The following FOXP1 variants were observed in gnomAD, a reference collection of about 807,000 sequenced individuals.
FOXP1 encodes the protein forkhead box P1.
In FOXP1, 15 loss-of-function variants were observed where a neutral mutation model predicts 98.2. The ratio of observed to expected loss-of-function variants is 0.15; its 90% CI spans 0.10 to 0.24. The LOEUF (loss-of-function observed/expected upper bound fraction) is 0.24. FOXP1 is among the 10% of genes least tolerant of loss of function. The probability of loss-of-function intolerance (pLI) is 1.00; values close to 1 mark genes in which losing one functional copy is unlikely to be tolerated. For synonymous variants in FOXP1, 371 were observed against 314.5 expected, an observed-to-expected ratio of 1.18 and a Z score of -1.90; for missense variants, 633 against 848.5, an observed-to-expected ratio of 0.75 and a Z score of 3.15.
At chr3:71,436,880 T>G (rs2085414375) in intron 3 of FOXP1, among the ~76,000 whole-genome samples, 1 of 152,156 alleles carries the variant, frequency 6.6e-6, no homozygotes, top group Non-Finnish European at 1.5e-5. Flanking sequence ...GGAAACAAAA[T>G]GTAAGCCCCA....
At chr3:71,104,670 G>A (rs918841141) in intron 7 of FOXP1, among the ~76,000 whole-genome samples, 2 of 152,106 alleles carry the variant, frequency 1.3e-5, no homozygotes, top group Admixed American at 1.3e-4. Context: ...TTTTCAATAG[G>A]GATGGAAGGA....
intron 7 of FOXP1, among the ~76,000 whole-genome samples, chr3:71,067,465 A>C (rs921773147): frequency 6.6e-6 from 1 of 152,210 alleles, no homozygotes; most frequent in Non-Finnish European, 1.5e-5. Flanking sequence ...AAAGCTGAAT[A>C]AGAAAGGCCA....
intron 3 of FOXP1, among the ~76,000 whole-genome samples, chr3:71,444,504 A>G (rs940197260): frequency 2.0e-5 from 3 of 152,136 alleles, no homozygotes; most frequent in Admixed American, 2.0e-4. Context: ...ACTTCCGTCA[A>G]CTGTCAGGGC....
chr3:71,540,739 T>C (rs1214164566), intron 2 of FOXP1, among the ~76,000 whole-genome samples: 2 of 152,226 alleles, frequency 1.3e-5, no homozygotes, highest in Non-Finnish European at 2.9e-5. Context: ...CCAGGTCTCC[T>C]GACTCCAAAT....
intron 5 of FOXP1, among the ~76,000 whole-genome samples, chr3:71,298,096 G>A (rs1576837758): frequency 1.3e-5 from 2 of 152,154 alleles, no homozygotes; most frequent in South Asian, 4.1e-4. Context: ...CCCACAAGTA[G>A]AAAATATTTA....
intron 6 of FOXP1, among the ~76,000 whole-genome samples, chr3:71,179,091 T>C (rs1449362192): frequency 6.6e-6 from 1 of 150,650 alleles, no homozygotes; most frequent in Non-Finnish European, 1.5e-5. Context: ...GAAACTAGGA[T>C]GGCCTACCTA....
At chr3:70,991,709 G>C (rs2040627126) in intron 13 of FOXP1, among the ~76,000 whole-genome samples, 1 of 152,138 alleles carries the variant, frequency 6.6e-6, no homozygotes, top group African/African-American at 2.4e-5. Context: ...ATTTAACAGA[G>C]GTAAAGGCTA....
At chr3:71,308,045 G>T (rs772009626) in intron 4 of FOXP1, among the ~76,000 whole-genome samples, 3 of 152,018 alleles carry the variant, frequency 2.0e-5, no homozygotes, top group African/African-American at 7.3e-5. Flanking sequence ...ACAAAAATCC[G>T]TATGCAAGCT....
intron 3 of FOXP1, among the ~76,000 whole-genome samples, chr3:71,457,432 T>C (rs1194648335): frequency 6.6e-6 from 1 of 152,182 alleles, no homozygotes; most frequent in Non-Finnish European, 1.5e-5. Flanking sequence ...GCCAGGTACA[T>C]ACCTAAAATA....
chr3:71,319,884 T>G (rs1164088876), intron 4 of FOXP1, among the ~76,000 whole-genome samples: 1 of 152,148 alleles, frequency 6.6e-6, no homozygotes, highest in African/African-American at 2.4e-5. Context: ...ACCACACGCC[T>G]AGCCAATGGG....
At chr3:71,346,817 G>A (rs542175869) in intron 4 of FOXP1, among the ~76,000 whole-genome samples, 13 of 152,158 alleles carry the variant, frequency 8.5e-5, no homozygotes, top group African/African-American at 2.9e-4. Context: ...AGGCCGAGGC[G>A]GGTGGATCAT....
In FOXP1 at chr3:71,385,292, TA is replaced by T. The variant is rs1194359328; in HGVS notation, c.-167-26049del. Among the ~76,000 whole-genome samples, 4 of 152,218 alleles carry T rather than the reference TA, an allele frequency of 2.6e-5. No homozygotes were observed. The East Asian group carries it at 7.7e-4, about 29-fold the overall frequency. On this transcript the variant is annotated intron_variant, in intron 3 of 20. Coordinates refer to ENST00000649528, the MANE Select transcript of FOXP1 (RefSeq NM_001349338.3). ...AGAATGGTAATCTTGCTGAATTCTT[TA>T]AAACTGTATTATAAATCACCTAACA...
intron 3 of FOXP1, among the ~76,000 whole-genome samples, chr3:71,406,405 G>GTATGTATATATATA (rs2082336447): frequency 3.8e-5 from 4 of 105,942 alleles, no homozygotes; most frequent in Admixed American, 1.9e-4. Flanking sequence ...AACTGTATGT[G>GTATGTATATATATA]TATATATATA....
intron 5 of FOXP1, among the ~76,000 whole-genome samples, chr3:71,209,199 T>C (rs2064276889): frequency 6.6e-6 from 1 of 152,222 alleles, no homozygotes; most frequent in South Asian, 2.1e-4. Context: ...ATTTCCTGGC[T>C]TGCAGATAAA....
chr3:71,281,686 C>G (rs1285649745), intron 5 of FOXP1, among the ~76,000 whole-genome samples: 2 of 152,212 alleles, frequency 1.3e-5, no homozygotes, highest in African/African-American at 4.8e-5. Flanking sequence ...CCTGGAAAAC[C>G]TGTTCACAGT....
rs565318999 is a variant in FOXP1, at chr3:71,474,467, G to T, written c.-168+18959C>A. 7.9e-5 allele frequency among the ~76,000 whole-genome samples: 12 copies of T among 152,308 alleles called. No homozygotes were observed. The East Asian group carries it at 2.3e-3, about 29-fold the overall frequency. ...GGCCACAGACTGGTTTCCGTGGCCT[G>T]TTAGAAGCCAGGCTGCACAGCAGGA... On this transcript the variant is annotated intron_variant, in intron 3 of 20. Coordinates refer to ENST00000649528, the MANE Select transcript of FOXP1 (RefSeq NM_001349338.3).
intron 2 of FOXP1, chr3:71,541,979 G>A (rs1178664444): frequency 9.4e-6 from 5 of 533,538 alleles, no homozygotes; most frequent in Non-Finnish European, 1.5e-5. Flanking sequence ...CAGATTTTCA[G>A]TATGAAAGAA....
chr3:71,052,425 C>A (rs554273851), intron 9 of FOXP1, 112 bp downstream of exon 9: 70 of 775,556 alleles, frequency 9.0e-5, no homozygotes, highest in Non-Finnish European at 1.4e-4. Flanking sequence ...AGCTGAGAAC[C>A]GATAGAGTCA....
chr3:71,564,626 T>G (rs972819737), intron 2 of FOXP1, among the ~76,000 whole-genome samples: 9 of 152,370 alleles, frequency 5.9e-5, no homozygotes, highest in South Asian at 4.1e-4. Flanking sequence ...GATGAGGATT[T>G]GGTTACACCC....
Sources: gnomAD v4.1 joint callset for allele counts (sites outside exome capture counted in the v4.1 genomes callset) on GRCh38, gnomAD v4.1.1 for gene constraint, MANE v1.5 for transcripts, NCBI Gene and HGNC (gene_info 2026-07-23, HGNC 2026-07-21) for gene names.